ARHGEF37: variants seen among roughly 807,000 people sequenced by gnomAD.
The protein encoded by ARHGEF37 is Rho guanine nucleotide exchange factor (GEF) 37.
ARHGEF37 carries 55 observed loss-of-function variants against 71.1 expected under a neutral mutation model. The ratio of observed to expected loss-of-function variants is 0.77; its 90% CI spans 0.62 to 0.97. The LOEUF is 0.97. Among genes scored for constraint, ARHGEF37 ranks in the 50% least tolerant of loss-of-function variants. The pLI is 0.00. For synonymous variants in ARHGEF37, 327 were observed against 350.6 expected, an observed-to-expected ratio of 0.93 and a Z score of 0.75; for missense variants, 765 against 836.8, an observed-to-expected ratio of 0.91 and a Z score of 1.06.
chr5:149,578,933 A>G (rs1355425048), upstream of ARHGEF37, among the ~76,000 whole-genome samples: 1 of 152,242 alleles, frequency 6.6e-6, no homozygotes, highest in African/African-American at 2.4e-5. Flanking sequence ...AGTGCATTAG[A>G]AATGCCACTC....
At position 149,621,996 on chromosome 5, in the gene ARHGEF37, A is replaced by G. The variant is rs768831631; in HGVS notation, c.1269A>G (p.Thr423=). The G allele has an allele frequency of 1.9e-6, 3 of 1,614,030 alleles. No individual in the cohort carries two copies. Among genetic ancestry groups the G allele is most frequent in the South Asian group, 2.2e-5 (2 of 91,086 alleles). ...AGTGGCTGGGCCAGATCATGTGCAC[A>G]TTCGTGACCCTCCAGAGGGACCTTG... The part of the protein sequence containing the change: ...VMQWLGQIMC[T]FVTLQRDLAK... Residue 423 remains threonine, a synonymous_variant, in exon 9 of 13, where the codon ACA becomes ACG. Transcript: ENST00000333677.
chr5:149,553,305 C>T (rs1051217510), intron 1 of ARHGEF37, among the ~76,000 whole-genome samples: 3 of 151,872 alleles, frequency 2.0e-5, no homozygotes, highest in African/African-American at 7.3e-5. Flanking sequence ...GAGGCTGAGG[C>T]AGGAGAATCG....
At chr5:149,608,143 T>A (rs1386227618) in intron 3 of ARHGEF37, among the ~76,000 whole-genome samples, 1 of 152,032 alleles carries the variant, frequency 6.6e-6, no homozygotes, top group Non-Finnish European at 1.5e-5. Context: ...CAAATCACAA[T>A]GGTGGAATGT....
At chr5:149,600,380 C>T (rs1485953642) in intron 2 of ARHGEF37, among the ~76,000 whole-genome samples, 1 of 152,164 alleles carries the variant, frequency 6.6e-6, no homozygotes, top group African/African-American at 2.4e-5. Context: ...CATGCTTGTG[C>T]ATTTATATAG....
intron 10 of ARHGEF37, among the ~76,000 whole-genome samples, chr5:149,625,650 C>T (rs185039320): frequency 4.9e-4 from 74 of 152,332 alleles, no homozygotes; most frequent in African/African-American, 1.6e-3. Context: ...GAGACCTCAC[C>T]GACTAGGGGT....
intron 12 of ARHGEF37, among the ~76,000 whole-genome samples, chr5:149,630,169 GGTGA>G (rs765963837): frequency 6.6e-6 from 1 of 152,178 alleles, no homozygotes; most frequent in Non-Finnish European, 1.5e-5. Flanking sequence ...ACTTTAAAAG[GGTGA>G]GTATTATAGA....
chr5:149,560,185 G>A (rs1314096493), intron 1 of ARHGEF37, among the ~76,000 whole-genome samples: 1 of 152,064 alleles, frequency 6.6e-6, no homozygotes, highest in Non-Finnish European at 1.5e-5. Flanking sequence ...GCATGATCTC[G>A]GCTCACCACA....
intron 8 of ARHGEF37, among the ~76,000 whole-genome samples, chr5:149,621,355 G>A (rs1273971742): frequency 2.0e-5 from 3 of 151,960 alleles, no homozygotes; most frequent in Admixed American, 1.3e-4. Context: ...TGGGAGGATC[G>A]CTTGAGCCTG....
At chr5:149,572,372 A>C (rs1762978105) in intron 1 of ARHGEF37, among the ~76,000 whole-genome samples, 1 of 152,238 alleles carries the variant, frequency 6.6e-6, no homozygotes, top group Non-Finnish European at 1.5e-5. Context: ...GTTACAGGCT[A>C]TCAAGGAGAC....
intron 4 of ARHGEF37, 35 bp from the exon 5 acceptor site, chr5:149,616,532 G>A (rs1402954276): frequency 6.4e-7 from 1 of 1,567,560 alleles, no homozygotes; most frequent in Admixed American, 1.7e-5. Context: ...CCAGAGGGTG[G>A]GATTTACCTG....
At chr5:149,607,891 C>T (rs929374469) in intron 3 of ARHGEF37, among the ~76,000 whole-genome samples, 5 of 150,994 alleles carry the variant, frequency 3.3e-5, no homozygotes, top group African/African-American at 9.7e-5. Context: ...CTCAGCCTCC[C>T]GAGTAGCTGG....
At chr5:149,594,926 A>G (rs892953846) in intron 1 of ARHGEF37, among the ~76,000 whole-genome samples, 1 of 152,242 alleles carries the variant, frequency 6.6e-6, no homozygotes, top group Non-Finnish European at 1.5e-5. Flanking sequence ...CACAATATAC[A>G]TGAATCTCCA....
chr5:149,614,330 T>C (rs1275468107), intron 4 of ARHGEF37, among the ~76,000 whole-genome samples: 1 of 152,118 alleles, frequency 6.6e-6, no homozygotes, highest in Non-Finnish European at 1.5e-5. Context: ...TCTTGCCAGT[T>C]GATACTCCCA....
Position 149,609,677 on chromosome 5 carries a change from G to A in ARHGEF37, c.440G>A (p.Gly147Asp). 3 of 1,612,388 alleles carry A rather than the reference G, an allele frequency of 1.9e-6. No individual in the cohort carries two copies. Among genetic ancestry groups the A allele is most frequent in the Non-Finnish European group, 2.5e-6 (3 of 1,180,034 alleles). ...CCGGAGCTGCAGCGGCACATCCAGG[G>A]CATCGTTGAGGCGGTGGTGTGAGTA... ...KEPELQRHIQ[G>D]IVEAVVPQAG... The change falls in exon 4 of 13, where the codon GGC becomes GAC. Residue 147 changes from glycine (G) to aspartate (D), a missense_variant. Gly to Asp is a moderately conservative substitution (Grantham distance 94). This residue lies in a region of ARHGEF37 where 201 missense variants were observed against 217.5 expected (regional missense o/e 0.92). Coordinates refer to ENST00000333677, the MANE Select transcript of ARHGEF37 (RefSeq NM_001001669.3).
intron 1 of ARHGEF37, among the ~76,000 whole-genome samples, chr5:149,558,729 GTGTGTGTGTATA>G (rs778872453): frequency 0.013 from 1,070 of 85,280 alleles, 24 homozygotes; most frequent in African/African-American, 0.05. Flanking sequence ...GTGTGTGTGT[GTGTGTGTGTATA>G]TATATTTTTA....
intron 10 of ARHGEF37, among the ~76,000 whole-genome samples, chr5:149,624,863 A>G (rs1007059439): frequency 2.8e-4 from 42 of 149,620 alleles, no homozygotes; most frequent in African/African-American, 8.6e-4. Flanking sequence ...CAGCTGCATG[A>G]TGGTTTACAA....
chr5:149,599,857 G>T (rs1763701447), intron 2 of ARHGEF37, among the ~76,000 whole-genome samples: 1 of 152,172 alleles, frequency 6.6e-6, no homozygotes, highest in Non-Finnish European at 1.5e-5. Flanking sequence ...TACCAATGTA[G>T]ATAATGTAGA....
chr5:149,607,187 G>A (rs1561799220), intron 3 of ARHGEF37, among the ~76,000 whole-genome samples: 1 of 152,236 alleles, frequency 6.6e-6, no homozygotes, highest in South Asian at 2.1e-4. Context: ...TCAGGCATGA[G>A]CCATAGCACC....
At chr5:149,599,458 C>T (rs201961225) in intron 2 of ARHGEF37, among the ~76,000 whole-genome samples, 2 of 28,992 alleles carry the variant, frequency 6.9e-5, no homozygotes, top group Non-Finnish European at 1.0e-4. Flanking sequence ...TATTTATTTA[C>T]AGGAGACAGG....
Sources: allele counts gnomAD v4.1 joint callset (sites outside exome capture counted in the v4.1 genomes callset), GRCh38; gene constraint gnomAD v4.1.1; regional missense constraint gnomAD v4.1.1; transcripts MANE v1.5; gene names NCBI Gene and HGNC (gene_info 2026-07-23, HGNC 2026-07-21).